Variants in TMEM135 observed in about 807,000 individuals in gnomAD.
The protein encoded by TMEM135 is peroxisomal membrane protein 52.
A neutral mutation model predicts 60.3 loss-of-function variants in TMEM135; 30 were observed. That is an observed-to-expected ratio of 0.50 (90% CI 0.37 to 0.68). The LOEUF (loss-of-function observed/expected upper bound fraction) is 0.68. Among genes scored for constraint, TMEM135 ranks in the 30% least tolerant of loss-of-function variants. The pLI is 0.00. For synonymous variants in TMEM135, 190 were observed against 186.7 expected, an observed-to-expected ratio of 1.02 and a Z score of -0.14; for missense variants, 468 against 548.8, an observed-to-expected ratio of 0.85 and a Z score of 1.47.
intron 5 of TMEM135, among the ~76,000 whole-genome samples, chr11:87,188,289 G>C (rs998419465): frequency 5.9e-5 from 9 of 152,092 alleles, no homozygotes; most frequent in African/African-American, 1.2e-4. Context: ...GAGCCAATTT[G>C]AATTCAAGTC....
At position 87,271,886 on chromosome 11, in the gene TMEM135, A is replaced by G. The variant is rs533542965; in HGVS notation, c.510-23896A>G. Among the ~76,000 whole-genome samples the G allele has an allele frequency of 2.1e-3, 318 of 151,928 alleles. 2 individuals are homozygous for G. Among genetic ancestry groups the G allele is most frequent in the African/African-American group, 7.2e-3 (299 of 41,488 alleles). The stretch of plus-strand genomic sequence containing the variant: ...AGGAAGTCGAGGCTGCATTGAGCAG[A>G]GATCATGCCACTGCGCTTTAGTCTG... On this transcript the variant is annotated intron_variant, in intron 6 of 14. Transcript: ENST00000305494.
At chr11:87,129,266 G>A (rs1184527683) in intron 4 of TMEM135, among the ~76,000 whole-genome samples, 30 of 46,992 alleles carry the variant, frequency 6.4e-4, no homozygotes, top group African/African-American at 1.7e-3. Flanking sequence ...TTTTTGAGAC[G>A]GAGTCTTGTT....
intron 4 of TMEM135, among the ~76,000 whole-genome samples, chr11:87,117,110 C>T (rs1026231375): frequency 5.3e-5 from 8 of 152,020 alleles, no homozygotes; most frequent in Non-Finnish European, 8.8e-5. Flanking sequence ...CGTGAGCCAC[C>T]GCGCCCAGCC....
intron 3 of TMEM135, among the ~76,000 whole-genome samples, chr11:87,075,390 G>A (rs1016703996): frequency 6.6e-6 from 1 of 151,932 alleles, no homozygotes; most frequent in African/African-American, 2.4e-5. Context: ...TCCGGACCTC[G>A]TGATCTGCCC....
At chr11:87,221,753 AT>A (rs796733619) in intron 5 of TMEM135, among the ~76,000 whole-genome samples, 22 of 152,322 alleles carry the variant, frequency 1.4e-4, no homozygotes, top group African/African-American at 5.3e-4. Flanking sequence ...GTTTCACTAG[AT>A]TTTCATCCCT....
At chr11:87,095,202 G>T in intron 4 of TMEM135, 2 of 177,340 alleles carry the variant, frequency 1.1e-5, no homozygotes, top group South Asian at 1.3e-4. Flanking sequence ...TTTCTTCAGA[G>T]GATTTGTTGA....
chr11:87,086,752 G>T (rs988550868), intron 3 of TMEM135, among the ~76,000 whole-genome samples: 2 of 152,202 alleles, frequency 1.3e-5, no homozygotes, highest in African/African-American at 2.4e-5. Flanking sequence ...TTAATTGGAG[G>T]AAAGTATGCC....
chr11:87,317,343 C>T (rs72959892), intron 12 of TMEM135, among the ~76,000 whole-genome samples: 10,455 of 152,096 alleles, frequency 0.069, 506 homozygotes, highest in Non-Finnish European at 0.1. Context: ...TTGCAATATA[C>T]TGTTACATAT....
chr11:87,310,017 AT>A (rs919782253), intron 10 of TMEM135, among the ~76,000 whole-genome samples: 1 of 151,946 alleles, frequency 6.6e-6, no homozygotes, highest in Admixed American at 6.6e-5. Flanking sequence ...TGGCTTATTT[AT>A]TTTTTTATCA....
At chr11:87,162,385 C>T (rs961497215) in intron 5 of TMEM135, among the ~76,000 whole-genome samples, 14 of 152,192 alleles carry the variant, frequency 9.2e-5, no homozygotes, top group African/African-American at 3.1e-4. Context: ...CTCCAACGCC[C>T]GACAGGCCCC....
intron 3 of TMEM135, among the ~76,000 whole-genome samples, chr11:87,074,163 G>T (rs1407379204): frequency 6.6e-6 from 1 of 151,846 alleles, no homozygotes; most frequent in Non-Finnish European, 1.5e-5. Flanking sequence ...ATGGGGTTTC[G>T]CCATGTTGGC....
At chr11:87,131,537 T>C (rs11234987) in intron 4 of TMEM135, among the ~76,000 whole-genome samples, 19,565 of 152,174 alleles carry the variant, frequency 0.13, 1,344 homozygotes, top group Middle Eastern at 0.15. Context: ...AAATGAATAA[T>C]TTATTGCCTA....
At chr11:87,063,564 A>G (rs1438342812) in intron 1 of TMEM135, among the ~76,000 whole-genome samples, 1 of 152,208 alleles carries the variant, frequency 6.6e-6, no homozygotes, top group Non-Finnish European at 1.5e-5. Flanking sequence ...TTCATGCTGT[A>G]GTGTGCTGTG....
At chr11:87,252,208 T>A (rs550025444) in intron 6 of TMEM135, among the ~76,000 whole-genome samples, 42 of 152,166 alleles carry the variant, frequency 2.8e-4, no homozygotes, top group Middle Eastern at 6.8e-3. Context: ...TAAGAGAAGA[T>A]TGAAGAAGCA....
intron 5 of TMEM135, among the ~76,000 whole-genome samples, chr11:87,178,797 T>C (rs1029720642): frequency 2.0e-5 from 3 of 152,100 alleles, no homozygotes; most frequent in Admixed American, 6.6e-5. Flanking sequence ...TAGTATTCCA[T>C]TGTTTGGATT....
At chr11:87,225,091 G>A (rs771287235) in intron 5 of TMEM135, among the ~76,000 whole-genome samples, 5 of 151,950 alleles carry the variant, frequency 3.3e-5, no homozygotes, top group Non-Finnish European at 5.9e-5. Flanking sequence ...TTAACTTACT[G>A]TTTCATCTAC....
intron 4 of TMEM135, among the ~76,000 whole-genome samples, chr11:87,150,137 T>C (rs1298454070): frequency 1.3e-5 from 2 of 148,374 alleles, no homozygotes; most frequent in Admixed American, 1.4e-4. Context: ...GAATCGCTTG[T>C]ACCTGGGAGG....
intron 5 of TMEM135, among the ~76,000 whole-genome samples, chr11:87,227,077 A>G (rs956647038): frequency 6.6e-6 from 1 of 152,014 alleles, no homozygotes; most frequent in African/African-American, 2.4e-5. Flanking sequence ...ACAAAAAAAC[A>G]CAATGGCCAA....
At chr11:87,262,146 G>T (rs12271067) in intron 6 of TMEM135, among the ~76,000 whole-genome samples, 11 of 151,730 alleles carry the variant, frequency 7.2e-5, no homozygotes, top group African/African-American at 2.7e-4. Context: ...GCAGGTTTTC[G>T]TTGTTGCAAA....
Sources: allele counts gnomAD v4.1 joint callset (sites outside exome capture counted in the v4.1 genomes callset), GRCh38; gene constraint gnomAD v4.1.1; transcripts MANE v1.5; gene names NCBI Gene and HGNC (gene_info 2026-07-23, HGNC 2026-07-21).